TMEM130: variants seen among roughly 807,000 people sequenced by gnomAD.
The protein encoded by TMEM130 is transmembrane protein 130.
In TMEM130, 37 loss-of-function variants were observed where a neutral mutation model predicts 42.9. The ratio of observed to expected loss-of-function variants is 0.86; its 90% confidence interval spans 0.66 to 1.13. TMEM130 has a LOEUF of 1.13. Among genes scored for constraint, TMEM130 ranks in the 50% most tolerant of loss-of-function variants. TMEM130 has a pLI of 0.00. For missense variants in TMEM130, 545 were observed against 562.6 expected (o/e 0.97, Z 0.32); for synonymous variants, 259 against 237.7 (o/e 1.09, Z -0.82).
At chr7:98,863,644 TCTTC>T (rs1794839685) in intron 1 of TMEM130, among the ~76,000 whole-genome samples, 1 of 137,556 alleles carries the variant, frequency 7.3e-6, no homozygotes, top group Non-Finnish European at 1.6e-5. Flanking sequence ...CCTCCCTCCT[TCTTC>T]CTTCCCTCCT....
intron 1 of TMEM130, among the ~76,000 whole-genome samples, chr7:98,864,674 G>A (rs782489470): frequency 4.0e-5 from 6 of 151,888 alleles, no homozygotes; most frequent in Non-Finnish European, 5.9e-5. Context: ...CGAGGTAAGC[G>A]GATTACTTGA....
chr7:98,863,892 C>T (rs1794850097), intron 1 of TMEM130, among the ~76,000 whole-genome samples: 1 of 149,992 alleles, frequency 6.7e-6, no homozygotes, highest in Admixed American at 6.7e-5. Context: ...CTCTCTCTCT[C>T]TCACTCTCTC....
chr7:98,862,039 A>G (rs1374718402), intron 2 of TMEM130, among the ~76,000 whole-genome samples: 1 of 152,304 alleles, frequency 6.6e-6, no homozygotes, highest in South Asian at 2.1e-4. Context: ...TGATTTTATT[A>G]TATTTAGCCA....
chr7:98,866,314 A>G (rs1049025948), intron 1 of TMEM130: 5 of 152,352 alleles, frequency 3.3e-5, no homozygotes, highest in Admixed American at 2.6e-4. Context: ...TCCATCTCAA[A>G]TAAATAAATA....
chr7:98,867,832 G>A (rs558806362), intron 1 of TMEM130, among the ~76,000 whole-genome samples: 1 of 152,298 alleles, frequency 6.6e-6, no homozygotes, highest in South Asian at 2.1e-4. Context: ...TTCCTCAGGG[G>A]TCTCAGGGAT....
chr7:98,848,371 G>C, intron 7 of TMEM130, 163 bp from the exon 8 acceptor site: 1 of 855,178 alleles, frequency 1.2e-6, no homozygotes, highest in South Asian at 1.7e-5. Context: ...ACAGATGCAA[G>C]AGATGGATAT....
chr7:98,848,318 C>T, intron 7 of TMEM130, 110 bp from the exon 8 acceptor site: 2 of 1,349,574 alleles, frequency 1.5e-6, no homozygotes, highest in Non-Finnish European at 2.1e-6. Flanking sequence ...ATGAGCTCAG[C>T]TGCCTGGTGG....
chr7:98,863,009 G>T (rs1794820802), intron 2 of TMEM130, 86 bp downstream of exon 2: 1 of 1,431,998 alleles, frequency 7.0e-7, no homozygotes, highest in Non-Finnish European at 9.5e-7. Context: ...GGCCTAATCT[G>T]CATTGATCTG....
rs781938300 is a variant in TMEM130, at chr7:98,869,786, C to A, written c.76G>T (p.Val26Leu). The A allele has an allele frequency of 7.0e-7, 1 of 1,425,156 alleles. No homozygotes were observed. The highest frequency in any genetic ancestry group is 9.2e-7 in the Non-Finnish European group (1 of 1,090,368). The allele number at this position is 1,425,156 out of a possible 1,614,324, so 88.3% of individuals were successfully genotyped here. The change falls in exon 1 of 8, where the codon GTG becomes TTG. Residue 26 changes from valine to leucine, a missense_variant. Coordinates refer to ENST00000339375, the MANE Select transcript of TMEM130 (RefSeq NM_152913.3). The surrounding 1 kb of genome is among the most constrained non-coding windows in gnomAD (Gnocchi z 4.7). ...TTGCCCAGCGCCTTACCTGCGGCCA[C>A]CCCTGCCGGGGCCCAGGGCAGGAGG... is the stretch of plus-strand genomic sequence containing the variant. ...ACLLPWAPAG[V>L]AAGLYELNLT...
In TMEM130 at chr7:98,863,338, A is replaced by G. The variant is rs1554400157; in HGVS notation, c.148T>C (p.Ser50Pro). Residue 50 changes from serine to proline, a missense_variant, in exon 2 of 8, where the codon TCG (serine) becomes CCG (proline). Ser to Pro is a moderately conservative substitution (Grantham distance 74). Coordinates refer to ENST00000339375, the MANE Select transcript of TMEM130 (RefSeq NM_152913.3). ...PATTGAVVTI[S>P]ASLVAKDNGS... ...TTGTCCTTGGCCACCAGGCTGGCCG[A>G]GATGGTCACCACCGCTCCCGTGGTG... is the stretch of plus-strand genomic sequence containing the variant. 1 of 1,610,576 alleles carries G rather than the reference A, an allele frequency of 6.2e-7. No individual in the cohort carries two copies. Among genetic ancestry groups the G allele is most frequent in the Non-Finnish European group, 8.5e-7 (1 of 1,179,802 alleles).
intron 2 of TMEM130, 141 bp from the exon 3 acceptor site, chr7:98,860,479 G>A (rs1189250057): frequency 5.9e-6 from 5 of 844,170 alleles, no homozygotes; most frequent in African/African-American, 1.7e-5. Context: ...AGGGAGAGGG[G>A]ACACCCCCCT....
chr7:98,869,951 G>C lies in TMEM130; in HGVS notation c.-90C>G. 1 of 967,254 alleles carries C rather than the reference G, an allele frequency of 1.0e-6. No individual in the cohort carries two copies. The highest frequency in any genetic ancestry group is 1.7e-5 in the African/African-American group (1 of 58,934). 59.9% of individuals were successfully genotyped at this position (967,254 alleles called of 1,614,324 possible). On this transcript the variant is annotated 5_prime_UTR_variant, in exon 1 of 8. Coordinates refer to ENST00000339375, the MANE Select transcript of TMEM130 (RefSeq NM_152913.3). This position sits in a 1 kb window ranked among gnomAD's most constrained non-coding sequence, Gnocchi z 4.7. ...CTGCGGCGGTCGCTCCTCCGGGCGC[G>C]CAGCGCGGGCGGTGCGGGGAGGTGC...
At chr7:98,857,085 C>A (rs985370315) in intron 3 of TMEM130, among the ~76,000 whole-genome samples, 1 of 152,004 alleles carries the variant, frequency 6.6e-6, no homozygotes, top group Non-Finnish European at 1.5e-5. Flanking sequence ...CCATCCCTGG[C>A]TAATTTTTGT....
intron 2 of TMEM130, 149 bp from the exon 3 acceptor site, chr7:98,860,487 C>A: frequency 1.3e-6 from 1 of 757,636 alleles, no homozygotes; most frequent in Non-Finnish European, 2.1e-6. Context: ...GGGACACCCC[C>A]CTACAACTCC....
chr7:98,852,477 T>C (rs1411915831), intron 5 of TMEM130, among the ~76,000 whole-genome samples: 1 of 151,942 alleles, frequency 6.6e-6, no homozygotes, highest in Non-Finnish European at 1.5e-5. Context: ...CCCAGGGTGG[T>C]CTCCAACTCC....
At position 98,856,048 on chromosome 7, in the gene TMEM130, G is replaced by A. The variant is rs376024952; in HGVS notation, c.687C>T (p.Thr229=). 3.2e-5 allele frequency: 52 copies of A among 1,613,384 alleles called. No individual in the cohort carries two copies. In the African/African-American group the frequency reaches 4.5e-4, roughly 14 times the overall value. The part of the protein sequence containing the change: ...PDATRAVKQK[T]GDFSASLKLQ... ...GCTTCAGCGAGGCGGAGAAGTCCCC[G>A]GTCTTCTGCTTCACAGCCCTCGTGG... The change falls in exon 4 of 8, where the codon ACC becomes ACT. Residue 229 remains threonine, a synonymous_variant. Transcript: ENST00000339375.
At chr7:98,850,273 A>ATATATATATATATATTTTT in intron 6 of TMEM130, among the ~76,000 whole-genome samples, 2 of 35,460 alleles carry the variant, frequency 5.6e-5, no homozygotes, top group Non-Finnish European at 1.3e-4. Flanking sequence ...ATATATATAT[A>ATATATATATATATATTTTT]TTTTTTTTTT....
chr7:98,861,059 G>C (rs1487084134), intron 2 of TMEM130, among the ~76,000 whole-genome samples: 1 of 151,868 alleles, frequency 6.6e-6, no homozygotes, highest in African/African-American at 2.4e-5. Flanking sequence ...CAATGACCAG[G>C]CACGGTGGCT....
intron 6 of TMEM130, among the ~76,000 whole-genome samples, chr7:98,850,168 C>T (rs1794453431): frequency 6.7e-6 from 1 of 148,150 alleles, no homozygotes; most frequent in Admixed American, 6.8e-5. Flanking sequence ...ACCACATCAG[C>T]TTCCCGAGTA....
Sources: gnomAD v4.1 joint callset for allele counts (sites outside exome capture counted in the v4.1 genomes callset) on GRCh38, gnomAD v4.1.1 for gene constraint, Gnocchi (gnomAD v3.1) non-coding constraint, MANE v1.5 for transcripts, NCBI Gene and HGNC (gene_info 2026-07-23, HGNC 2026-07-21) for gene names.